Variants in TGFB2 observed in about 807,000 individuals in gnomAD.
TGFB2 encodes transforming growth factor beta-2 proprotein.
TGFB2 carries 13 observed loss-of-function variants against 42.7 expected under a neutral mutation model. That is an observed-to-expected ratio of 0.30 (90% CI 0.20 to 0.48). TGFB2 has a LOEUF of 0.48. TGFB2 is among the 20% of genes least tolerant of loss of function. The pLI is 0.99. For missense variants in TGFB2, 390 were observed against 517.5 expected (o/e 0.75, Z 2.39); for synonymous variants, 193 against 193.6 (o/e 1.00, Z 0.03).
At chr1:218,361,745 A>T (rs1657218972) in intron 1 of TGFB2, among the ~76,000 whole-genome samples, 1 of 152,238 alleles carries the variant, frequency 6.6e-6, no homozygotes, top group Non-Finnish European at 1.5e-5. Context: ...TAATCTTGTG[A>T]CAAACCGTTT....
At chr1:218,392,582 G>A (rs1477236735) in intron 1 of TGFB2, among the ~76,000 whole-genome samples, 1 of 152,184 alleles carries the variant, frequency 6.6e-6, no homozygotes, top group African/African-American at 2.4e-5. Context: ...TCACTGAAGG[G>A]TTCTGAGAGA....
intron 2 of TGFB2, among the ~76,000 whole-genome samples, chr1:218,417,690 G>A (rs1224878245): frequency 6.6e-6 from 1 of 152,218 alleles, no homozygotes; most frequent in Non-Finnish European, 1.5e-5. Flanking sequence ...AAAGGCCTAA[G>A]AGGAAAATGT....
intron 6 of TGFB2, among the ~76,000 whole-genome samples, chr1:218,440,905 GACTT>G (rs569477877): frequency 2.0e-5 from 3 of 150,848 alleles, no homozygotes; most frequent in Non-Finnish European, 4.4e-5. Context: ...TCAGAGGAAA[GACTT>G]ACTGGAAAAA....
intron 2 of TGFB2, among the ~76,000 whole-genome samples, chr1:218,430,426 G>A (rs964318082): frequency 4.6e-5 from 7 of 151,618 alleles, no homozygotes; most frequent in African/African-American, 1.7e-4. Context: ...AAATTTAGAA[G>A]CAAATGACTC....
At chr1:218,391,873 T>C (rs186452426) in intron 1 of TGFB2, among the ~76,000 whole-genome samples, 1 of 152,350 alleles carries the variant, frequency 6.6e-6, no homozygotes, top group Admixed American at 6.5e-5. Flanking sequence ...GGATAGATAG[T>C]TCTACTCTAT....
At chr1:218,349,964 G>A (rs747317016) in intron 1 of TGFB2, among the ~76,000 whole-genome samples, 38 of 152,114 alleles carry the variant, frequency 2.5e-4, no homozygotes, top group East Asian at 5.8e-4. Flanking sequence ...ATCTTTTCAC[G>A]TGCTGTTAGT....
At chr1:218,406,756 T>C (rs1402397701) in intron 2 of TGFB2, among the ~76,000 whole-genome samples, 2 of 152,092 alleles carry the variant, frequency 1.3e-5, no homozygotes, top group African/African-American at 2.4e-5. Flanking sequence ...ACCTGATGCA[T>C]AGCGCTCAGT....
chr1:218,442,742 C>T lies in TGFB2; in HGVS notation c.*1380C>T, dbSNP rs1173719466. The T allele has an allele frequency of 1.3e-5, 2 of 151,884 alleles. No individual in the cohort carries two copies. Among genetic ancestry groups the T allele is most frequent in the Non-Finnish European group, 2.9e-5 (2 of 67,960 alleles). 9.4% of individuals were successfully genotyped at this position (151,884 alleles called of 1,614,324 possible). On this transcript the variant is annotated 3_prime_UTR_variant, in exon 7 of 7. Coordinates refer to ENST00000366930, the MANE Select transcript of TGFB2 (RefSeq NM_003238.6). ...TCATCTTCCAAGCATCATTACTAAC[C>T]AAGTCAGACGTTAACAAATTTTTAT...
At position 218,437,496 on chromosome 1, in the gene TGFB2, G is replaced by T; in HGVS notation, c.1086G>T (p.Arg362Ser). ...GGAGTTCAGACACTCAGCACAGCAG[G>T]GTGAGTGTTCAGCTTACCTGTTGCC... The part of the protein sequence containing the change: ...YLWSSDTQHS[R>S]VLSLYNTINP... Residue 362 changes from arginine (R) to serine (S), a missense_variant and splice_region_variant, in exon 6 of 7, where the codon AGG becomes AGT. Arg to Ser is a moderately radical substitution (Grantham distance 110). Transcript: ENST00000366930. The T allele has an allele frequency of 1.2e-6, 2 of 1,608,056 alleles. No individual in the cohort carries two copies. Among genetic ancestry groups the T allele is most frequent in the Non-Finnish European group, 1.7e-6 (2 of 1,177,522 alleles).
rs187187751 is a variant in TGFB2, at chr1:218,422,506, G to T, written c.511-11576G>T. Among the ~76,000 whole-genome samples the T allele has an allele frequency of 2.0e-5, 3 of 152,226 alleles. No individual in the cohort carries two copies. The East Asian group carries it at 5.8e-4, about 29-fold the overall frequency. On this transcript the variant is annotated intron_variant, in intron 2 of 6. Transcript: ENST00000366930. ...ATAGTGCTGAGATTACAGGCGTGAG[G>T]CACCACGCCTGGCCTTGTTCTCCCT...
chr1:218,366,423 C>T (rs1290195237), intron 1 of TGFB2, among the ~76,000 whole-genome samples: 1 of 152,042 alleles, frequency 6.6e-6, no homozygotes, highest in African/African-American at 2.4e-5. Context: ...CCTCCCACCC[C>T]AGCCTCCTGA....
In TGFB2 at chr1:218,386,746, T is replaced by G. The variant is rs375223272; in HGVS notation, c.347-18423T>G. On this transcript the variant is annotated intron_variant, in intron 1 of 6. Coordinates refer to ENST00000366930, the MANE Select transcript of TGFB2 (RefSeq NM_003238.6). The stretch of plus-strand genomic sequence containing the variant: ...TTCTATGTTCCTGCCTAGAAAAGTC[T>G]TATTGACATCAGATTCTGAAAGTAG... 5.3e-5 allele frequency among the ~76,000 whole-genome samples: 8 copies of G among 152,354 alleles called. No individual in the cohort carries two copies. In the East Asian group the frequency reaches 7.7e-4, roughly 15 times the overall value.
intron 2 of TGFB2, among the ~76,000 whole-genome samples, chr1:218,406,665 T>C (rs1294130385): frequency 2.2e-4 from 34 of 152,118 alleles, no homozygotes; most frequent in Non-Finnish European, 3.2e-4. Flanking sequence ...GACGTATCTA[T>C]TAAAACCTGA....
At chr1:218,368,293 C>T (rs981696153) in intron 1 of TGFB2, among the ~76,000 whole-genome samples, 5 of 152,058 alleles carry the variant, frequency 3.3e-5, no homozygotes, top group African/African-American at 1.2e-4. Context: ...TACAGGCACA[C>T]ACCACCACAC....
intron 1 of TGFB2, among the ~76,000 whole-genome samples, chr1:218,350,734 T>G (rs1656844331): frequency 6.6e-6 from 1 of 152,208 alleles, no homozygotes; most frequent in Non-Finnish European, 1.5e-5. Flanking sequence ...ACATCAAAAC[T>G]TCCCATTTAT....
chr1:218,371,531 T>C (rs957604478), intron 1 of TGFB2, among the ~76,000 whole-genome samples: 5 of 152,222 alleles, frequency 3.3e-5, no homozygotes, highest in Non-Finnish European at 7.3e-5. Context: ...AGTTTATCTA[T>C]TTTAAAAGGC....
intron 2 of TGFB2, among the ~76,000 whole-genome samples, chr1:218,427,603 C>A (rs937989677): frequency 3.3e-5 from 5 of 152,008 alleles, no homozygotes; most frequent in Non-Finnish European, 7.4e-5. Context: ...TCTGTCCTTG[C>A]GATAGTTTGC....
At position 218,347,006 on chromosome 1, in the gene TGFB2, A is replaced by T. The variant is rs967581444; in HGVS notation, c.305A>T (p.Glu102Val). 1 of 1,609,270 alleles carries T rather than the reference A, an allele frequency of 6.2e-7. No homozygotes were observed. Among genetic ancestry groups the T allele is most frequent in the Non-Finnish European group, 8.5e-7 (1 of 1,177,576 alleles). Residue 102 changes from glutamate (E) to valine (V), a missense_variant, in exon 1 of 7, where the codon GAG becomes GTG. By Grantham distance (121) the Glu-to-Val change is moderately radical. Transcript: ENST00000366930. ...AGCGACGAAGAGTACTACGCCAAGG[A>T]GGTTTACAAAATAGACATGCCGCCC... ...ERSDEEYYAK[E>V]VYKIDMPPFF...
At chr1:218,394,078 T>G (rs1204636558) in intron 1 of TGFB2, among the ~76,000 whole-genome samples, 2 of 152,074 alleles carry the variant, frequency 1.3e-5, no homozygotes, top group Admixed American at 1.3e-4. Context: ...GGCTAATTTT[T>G]TTTTGTATTT....
Sources: allele counts gnomAD v4.1 joint callset (sites outside exome capture counted in the v4.1 genomes callset), GRCh38; gene constraint gnomAD v4.1.1; transcripts MANE v1.5; gene names NCBI Gene and HGNC (gene_info 2026-07-23, HGNC 2026-07-21).